The following DOCK10 variants were observed in gnomAD, a reference collection of about 807,000 sequenced individuals.
DOCK10 encodes dedicator of cytokinesis protein 10.
Under a neutral mutation model 280.1 loss-of-function variants are expected in DOCK10, and 145 were observed. The observed-to-expected ratio is 0.52, with a 90% confidence interval of 0.45 to 0.59. DOCK10 has a LOEUF of 0.59. Ranked by LOEUF, DOCK10 falls within the 20% of genes least tolerant of loss-of-function variation. The probability of loss-of-function intolerance (pLI) is 0.00; values close to 1 mark genes in which losing one functional copy is unlikely to be tolerated. For synonymous variants in DOCK10, 915 were observed against 942.2 expected (o/e 0.97, Z 0.53); for missense variants, 2,368 against 2,651.7 (o/e 0.89, Z 2.35).
intron 14 of DOCK10, among the ~76,000 whole-genome samples, chr2:224,859,110 G>A (rs1375802399): frequency 6.6e-6 from 1 of 152,168 alleles, no homozygotes; most frequent in Admixed American, 6.5e-5. Context: ...ATGTACTTGG[G>A]TTTTTGTCCC....
intron 1 of DOCK10, among the ~76,000 whole-genome samples, chr2:224,950,564 C>T (rs1313784481): frequency 2.0e-5 from 3 of 152,032 alleles, no homozygotes; most frequent in Non-Finnish European, 4.4e-5. Context: ...TTCTGACTGG[C>T]CATGAAGGAG....
rs191656784 is a variant in DOCK10, at chr2:224,977,469, G to A, written c.124-45801C>T. ...AATGAAGCTAACTTCTGGGGTTGGTGATGAGTAAATGACATAGGAAATAAT... is the reference window on the plus strand; with the variant it reads ...AATGAAGCTAACTTCTGGGGTTGGTAATGAGTAAATGACATAGGAAATAAT... On this transcript the variant is annotated intron_variant, in intron 1 of 55. Coordinates refer to ENST00000258390, the MANE Select transcript of DOCK10 (RefSeq NM_014689.3). Among the ~76,000 whole-genome samples the A allele has an allele frequency of 7.2e-5, 11 of 152,280 alleles. No homozygotes were observed. The East Asian group carries it at 2.1e-3, about 29-fold the overall frequency.
intron 29 of DOCK10, among the ~76,000 whole-genome samples, chr2:224,818,888 G>T (rs867273150): frequency 1.4e-4 from 22 of 152,234 alleles, no homozygotes; most frequent in Middle Eastern, 3.4e-3. Context: ...TCCAGCATAT[G>T]CCATAACCAT....
intron 1 of DOCK10, among the ~76,000 whole-genome samples, chr2:225,032,638 T>C (rs975058407): frequency 3.3e-5 from 5 of 152,220 alleles, no homozygotes; most frequent in Non-Finnish European, 7.3e-5. Context: ...TTCAAAAAAG[T>C]TGAGTTCTAA....
At chr2:224,832,396 T>C (rs938343283) in intron 26 of DOCK10, among the ~76,000 whole-genome samples, 5 of 152,242 alleles carry the variant, frequency 3.3e-5, no homozygotes, top group Admixed American at 6.5e-5. Flanking sequence ...CATGTACTTA[T>C]CTGCTCTACT....
chr2:224,868,134 T>A (rs1365230333), intron 11 of DOCK10, among the ~76,000 whole-genome samples: 2 of 151,892 alleles, frequency 1.3e-5, no homozygotes, highest in Non-Finnish European at 2.9e-5. Context: ...AGGATGGAGA[T>A]GGGAGTAGGG....
At chr2:224,855,301 A>G (rs554695937) in intron 15 of DOCK10, among the ~76,000 whole-genome samples, 1 of 152,360 alleles carries the variant, frequency 6.6e-6, no homozygotes, top group East Asian at 1.9e-4. Context: ...AAAAATTTTA[A>G]ATTTATTTCC....
intron 2 of DOCK10, among the ~76,000 whole-genome samples, chr2:224,923,007 A>G (rs1339236469): frequency 6.6e-6 from 1 of 152,214 alleles, no homozygotes; most frequent in Non-Finnish European, 1.5e-5. Flanking sequence ...ATTCTATTAG[A>G]GAATGTCCTT....
chr2:224,852,949 T>G lies in DOCK10; in HGVS notation c.2062A>C (p.Lys688Gln). ...TTATATCATACCTTGTTGAAGCATT[T>G]CTGGCTATCATACTTGAGGTGTTTG... ...YPKHLKYDSQ[K>Q]CFNKARNITV... The change falls in exon 17 of 56, where the codon AAA becomes CAA. Residue 688 changes from lysine to glutamine, a missense_variant. Transcript: ENST00000258390. 6.3e-7 allele frequency: 1 copy of G among 1,597,100 alleles called. No individual in the cohort carries two copies. The highest frequency in any genetic ancestry group is 8.6e-7 in the Non-Finnish European group (1 of 1,169,292).
chr2:224,909,935 T>C (rs1700916728), intron 3 of DOCK10, among the ~76,000 whole-genome samples: 1 of 152,060 alleles, frequency 6.6e-6, no homozygotes, highest in Admixed American at 6.6e-5. Flanking sequence ...TGAACTTCCA[T>C]TAAAATATGA....
intron 4 of DOCK10, among the ~76,000 whole-genome samples, chr2:224,893,969 T>G (rs189572170): frequency 2.0e-5 from 3 of 152,232 alleles, no homozygotes; most frequent in Non-Finnish European, 4.4e-5. Context: ...AAAGAATAAT[T>G]CTGCTGTTCA....
At chr2:224,833,107 G>C (rs1695341582) in intron 26 of DOCK10, among the ~76,000 whole-genome samples, 1 of 152,128 alleles carries the variant, frequency 6.6e-6, no homozygotes, top group Non-Finnish European at 1.5e-5. Flanking sequence ...CCCCTCAAGT[G>C]GTTGTGGTCT....
intron 14 of DOCK10, 164 bp downstream of exon 14, chr2:224,862,500 T>C (rs1205507025): frequency 5.0e-6 from 3 of 603,628 alleles, no homozygotes; most frequent in Non-Finnish European, 8.9e-6. Context: ...TTGTGAAATG[T>C]ATGTCTCAGA....
rs1341129485 is a variant in DOCK10 at position 225,042,204 on chromosome 2, C to G, written c.123+48G>C. ...TGGGGAAGCTGGGCTCCGTTCCCCC[C>G]GGGCGCCTGGGGCGCGCGGGAAGGC... On this transcript the variant is annotated intron_variant, in intron 1 of 55. Transcript: ENST00000258390. This position sits in a 1 kb window ranked among gnomAD's most constrained non-coding sequence, Gnocchi z 5.1. 8.1e-7 allele frequency: 1 copy of G among 1,230,758 alleles called. No homozygotes were observed. Among genetic ancestry groups the G allele is most frequent in the East Asian group, 3.3e-5 (1 of 30,452 alleles). The allele number at this position is 1,230,758 out of a possible 1,614,324, so 76.2% of individuals were successfully genotyped here.
At chr2:225,041,892 C>G (rs1023074548) in intron 1 of DOCK10, among the ~76,000 whole-genome samples, 22 of 152,208 alleles carry the variant, frequency 1.4e-4, no homozygotes, top group African/African-American at 5.1e-4. Context: ...CCCCACCCCA[C>G]CCGGGGTCTC....
intron 11 of DOCK10, among the ~76,000 whole-genome samples, chr2:224,872,037 A>G (rs1160786533): frequency 2.0e-5 from 3 of 152,184 alleles, no homozygotes; most frequent in East Asian, 1.9e-4. Context: ...TATTTGGAGA[A>G]TGAATAAACC....
At chr2:224,945,727 A>G (rs1703374151) in intron 1 of DOCK10, among the ~76,000 whole-genome samples, 1 of 152,102 alleles carries the variant, frequency 6.6e-6, no homozygotes, top group Non-Finnish European at 1.5e-5. Context: ...TTTCTATATT[A>G]AAGATGTTTC....
chr2:224,888,026 T>G (rs531348540), intron 4 of DOCK10, among the ~76,000 whole-genome samples: 1 of 152,256 alleles, frequency 6.6e-6, no homozygotes, highest in African/African-American at 2.4e-5. Context: ...AAATTAAAAA[T>G]AGAACTAGCA....
chr2:224,799,520 GCAAATA>G (rs973179715), intron 41 of DOCK10, among the ~76,000 whole-genome samples: 2 of 152,180 alleles, frequency 1.3e-5, no homozygotes, highest in African/African-American at 4.8e-5. Flanking sequence ...CTTCTCCTGG[GCAAATA>G]CCTATTACAG....
Sources: allele counts gnomAD v4.1 joint callset (sites outside exome capture counted in the v4.1 genomes callset), GRCh38; gene constraint gnomAD v4.1.1; non-coding constraint Gnocchi (gnomAD v3.1); transcripts MANE v1.5; gene names NCBI Gene and HGNC (gene_info 2026-07-23, HGNC 2026-07-21).